Variants in HSPG2 observed in about 807,000 individuals in gnomAD.
HSPG2 encodes the protein heparan sulfate proteoglycan 2, also known as basement membrane-specific heparan sulfate proteoglycan core protein.
A neutral mutation model predicts 526.6 loss-of-function variants in HSPG2; 278 were observed. The ratio of observed to expected loss-of-function variants is 0.53; its 90% CI spans 0.48 to 0.58. The LOEUF (loss-of-function observed/expected upper bound fraction) is 0.58, where lower values mean the gene tolerates loss of function less well. Ranked by LOEUF, HSPG2 falls within the 20% of genes least tolerant of loss-of-function variation. The pLI is 0.00. For missense variants in HSPG2, 5,354 were observed against 6,099.5 expected (o/e 0.88, Z 4.07); for synonymous variants, 2,465 against 2,555.4 (o/e 0.96, Z 1.07).
At chr1:21,923,771 C>T (rs539685531) in intron 1 of HSPG2, among the ~76,000 whole-genome samples, 5 of 148,472 alleles carry the variant, frequency 3.4e-5, no homozygotes, top group African/African-American at 1.2e-4. Context: ...CCCTATCAGA[C>T]CACAAGCTCC....
rs2152719614 is a variant in HSPG2, at chr1:21,851,715, C to G, written c.7007-18G>C. ...GCCGGCAGCTGAGGGATAAGATGGT[C>G]ACCGGTCACTCCTGTTCTCTGAAGC... On this transcript the variant is annotated intron_variant, in intron 54 of 96. Coordinates refer to ENST00000374695, the MANE Select transcript of HSPG2 (RefSeq NM_005529.7). 6.2e-7 allele frequency: 1 copy of G among 1,613,944 alleles called. No individual in the cohort carries two copies. Among genetic ancestry groups the G allele is most frequent in the Middle Eastern group, 1.6e-4 (1 of 6,062 alleles).
chr1:21,829,462 C>T lies in HSPG2; in HGVS notation c.11913G>A (p.Gly3971=), dbSNP rs761561686. ...APDGVLLFSG[G]KSGPVEDFVS... ...CGAAGTCCTCCACAGGCCCGCTCTT[C>T]CCCCCGCTGAACAGCAGGACCCCGT... Residue 3971 remains glycine, a synonymous_variant, in exon 87 of 97, where the codon GGG becomes GGA. Coordinates refer to ENST00000374695, the MANE Select transcript of HSPG2 (RefSeq NM_005529.7). 1.4e-5 allele frequency: 22 copies of T among 1,613,190 alleles called. No homozygotes were observed. Among genetic ancestry groups the T allele is most frequent in the Non-Finnish European group, 1.8e-5 (21 of 1,179,832 alleles).
In HSPG2 at chr1:21,850,456, C is replaced by T. The variant is rs771728227; in HGVS notation, c.7201G>A (p.Asp2401Asn). ...LLRLYQASPA[D>N]SGEYVCRVLG... ...ACTCGGCACACGTACTCGCCCGAGT[C>T]GGCGGGGGACGCTTGGTAGAGTCTC... Residue 2401 changes from aspartate to asparagine, a missense_variant, in exon 56 of 97, where the codon GAC (aspartate) becomes AAC (asparagine). Transcript: ENST00000374695. 1.1e-5 allele frequency: 18 copies of T among 1,611,968 alleles called. No homozygotes were observed. Among genetic ancestry groups the T allele is most frequent in the South Asian group, 2.2e-5 (2 of 90,888 alleles).
intron 1 of HSPG2, among the ~76,000 whole-genome samples, chr1:21,927,052 AG>A (rs1188471144): frequency 6.6e-6 from 1 of 152,078 alleles, no homozygotes; most frequent in Non-Finnish European, 1.5e-5. Flanking sequence ...AGGTGGTGGC[AG>A]GGACCCGGAG....
In HSPG2 at chr1:21,844,304, G is replaced by A. The variant is rs373360723; in HGVS notation, c.8465-5C>T. ...TGGGTGGGGCTCCACCTGGGGCTGGGGCACAGGGGAGAGGTCAGTGAGCTG... is the reference window on the plus strand; with the variant it reads ...TGGGTGGGGCTCCACCTGGGGCTGGAGCACAGGGGAGAGGTCAGTGAGCTG... On this transcript the variant is annotated splice_polypyrimidine_tract_variant and splice_region_variant and intron_variant, in intron 64 of 96. Coordinates refer to ENST00000374695, the MANE Select transcript of HSPG2 (RefSeq NM_005529.7). 1.2e-5 allele frequency: 20 copies of A among 1,610,994 alleles called. No individual in the cohort carries two copies. In the African/African-American group the frequency reaches 2.5e-4, roughly 20 times the overall value.
intron 81 of HSPG2, 73 bp downstream of exon 81, chr1:21,832,422 G>T: frequency 1.6e-6 from 2 of 1,239,104 alleles, no homozygotes; most frequent in Non-Finnish European, 2.4e-6. Flanking sequence ...GTATAATGGA[G>T]CCCAGGGTAG....
At chr1:21,891,811 A>G (rs1388193340) in intron 3 of HSPG2, among the ~76,000 whole-genome samples, 1 of 152,104 alleles carries the variant, frequency 6.6e-6, no homozygotes, top group Non-Finnish European at 1.5e-5. Context: ...GGGTCTTGCT[A>G]TGTTGCCCAG....
intron 33 of HSPG2, among the ~76,000 whole-genome samples, chr1:21,866,827 A>T (rs1640264604): frequency 6.6e-6 from 1 of 152,164 alleles, no homozygotes; most frequent in Non-Finnish European, 1.5e-5. Flanking sequence ...CACTCAGCTA[A>T]CCAGCATTTA....
intron 1 of HSPG2, among the ~76,000 whole-genome samples, chr1:21,931,884 GTTC>G (rs1644359893): frequency 6.6e-6 from 1 of 152,190 alleles, no homozygotes; most frequent in Non-Finnish European, 1.5e-5. Flanking sequence ...CCAGGAGGGT[GTTC>G]TTCCCCTTCC....
chr1:21,865,888 T>A lies in HSPG2; in HGVS notation c.4222-79A>T, dbSNP rs1640191191. On this transcript the variant is annotated intron_variant, in intron 33 of 96. Coordinates refer to ENST00000374695, the MANE Select transcript of HSPG2 (RefSeq NM_005529.7). The surrounding 1 kb of genome is among the most constrained non-coding windows in gnomAD (Gnocchi z 5.4). ...GACCATATAGGTGAGGGATGGAGCA[T>A]CTGGCGGCCTTTTTGCACCTGTGCC... The A allele has an allele frequency of 8.7e-7, 1 of 1,147,344 alleles. No individual in the cohort carries two copies. Among genetic ancestry groups the A allele is most frequent in the African/African-American group, 1.5e-5 (1 of 65,914 alleles). 71.1% of individuals were successfully genotyped at this position (1,147,344 alleles called of 1,614,324 possible). A position where few individuals can be genotyped will look rare whatever the true frequency, so the allele number is the denominator to read the frequency against.
At chr1:21,937,124 C>T (rs1350191783) in intron 1 of HSPG2, 31 bp downstream of exon 1, 12 of 272,062 alleles carry the variant, frequency 4.4e-5, no homozygotes, top group Non-Finnish European at 6.6e-5. Context: ...CCTCCGCCCC[C>T]GCCCCCCGCC....
Position 21,849,048 on chromosome 1 carries a change from G to A in HSPG2, c.7447-17C>T. The A allele has an allele frequency of 1.2e-6, 2 of 1,612,608 alleles. No homozygotes were observed. Among genetic ancestry groups the A allele is most frequent in the Non-Finnish European group, 1.7e-6 (2 of 1,179,348 alleles). ...GCCATGCACCTGGGAGGGTCAGGAG[G>A]GAGGAGGCAGGCTCAGAGCTGGGCA... On this transcript the variant is annotated splice_polypyrimidine_tract_variant and intron_variant, in intron 57 of 96. Coordinates refer to ENST00000374695, the MANE Select transcript of HSPG2 (RefSeq NM_005529.7).
At position 21,937,142 on chromosome 1, in the gene HSPG2, C is replaced by T. The variant is rs1644511379; in HGVS notation, c.63+13G>A. ...CCGCCCCCGCCCCCCGCCCCTCTGC[C>T]CCGCACACTCACCGCCAGCAGCCGC... On this transcript the variant is annotated intron_variant, in intron 1 of 96. Coordinates refer to ENST00000374695, the MANE Select transcript of HSPG2 (RefSeq NM_005529.7). The T allele has an allele frequency of 2.4e-6, 1 of 410,058 alleles. No homozygotes were observed. The highest frequency in any genetic ancestry group is 3.7e-6 in the Non-Finnish European group (1 of 273,360). 25.4% of individuals were successfully genotyped at this position (410,058 alleles called of 1,614,324 possible). A position where few individuals can be genotyped will look rare whatever the true frequency, so the allele number is the denominator to read the frequency against.
At chr1:21,915,601 G>C (rs191859530) in intron 1 of HSPG2, among the ~76,000 whole-genome samples, 3 of 152,318 alleles carry the variant, frequency 2.0e-5, no homozygotes, top group African/African-American at 7.2e-5. Context: ...GGGAACCAGG[G>C]ATAATGACCA....
chr1:21,929,425 AG>A (rs1224952476), intron 1 of HSPG2, among the ~76,000 whole-genome samples: 1 of 150,960 alleles, frequency 6.6e-6, no homozygotes, highest in Non-Finnish European at 1.5e-5. Flanking sequence ...TTTTTTTTTA[AG>A]AGACAGGATC....
rs1312817440 is a variant in HSPG2, at chr1:21,822,258, C to G, written c.*1058G>C. 6.3e-7 allele frequency: 1 copy of G among 1,592,728 alleles called. No homozygotes were observed. ...CAGGAGGCCCCTGGCGGGGATAGCA[C>G]CGTTTATTAAGAAAAATCAAGACAA... On this transcript the variant is annotated 3_prime_UTR_variant, in exon 97 of 97. Transcript: ENST00000374695.
At chr1:21,880,878 C>A (rs1253897096) in intron 14 of HSPG2, 43 bp from the exon 15 acceptor site, 3 of 1,547,060 alleles carry the variant, frequency 1.9e-6, no homozygotes, top group Admixed American at 3.8e-5. Context: ...TGTGGGCACA[C>A]TTGACACCTC....
In HSPG2 at chr1:21,823,145, G is replaced by A. The variant is rs1279981587; in HGVS notation, c.*171C>T. The A allele has an allele frequency of 4.8e-6, 3 of 622,844 alleles. No homozygotes were observed. The highest frequency in any genetic ancestry group is 3.4e-5 in the Admixed American group (1 of 29,782). 38.6% of individuals were successfully genotyped at this position (622,844 alleles called of 1,614,324 possible). ...CTGGCCAGCCTTGTGGCTTTGCCCA[G>A]CTGTGTGTGTGAGGGTGGCATGCCC... On this transcript the variant is annotated 3_prime_UTR_variant, in exon 97 of 97. Transcript: ENST00000374695.
At position 21,852,806 on chromosome 1, in the gene HSPG2, G is replaced by C; in HGVS notation, c.6618C>G (p.His2206Gln). 1 of 1,612,768 alleles carries C rather than the reference G, an allele frequency of 6.2e-7. No individual in the cohort carries two copies. The highest frequency in any genetic ancestry group is 8.5e-7 in the Non-Finnish European group (1 of 1,179,850). Residue 2206 changes from histidine to glutamine, a missense_variant, in exon 52 of 97, where the codon CAC becomes CAG. By Grantham distance (24) the His-to-Gln change is conservative. Transcript: ENST00000374695. ...HQTHGSLLRL[H>Q]QVTPADSGEY... ...CGCCTGAGTCGGCCGGGGTCACCTG[G>C]TGCAGCCGCAGCAGCGAGCCGTGGG...
Sources: gnomAD v4.1 joint callset for allele counts (sites outside exome capture counted in the v4.1 genomes callset) on GRCh38, gnomAD v4.1.1 for gene constraint, Gnocchi (gnomAD v3.1) non-coding constraint, MANE v1.5 for transcripts, NCBI Gene and HGNC (gene_info 2026-07-23, HGNC 2026-07-21) for gene names.